Variants in PACS1 observed in about 807,000 individuals in gnomAD.
The protein encoded by PACS1 is PACS-1.
In PACS1, 24 loss-of-function variants were observed where a neutral mutation model predicts 115.0. That is an observed-to-expected ratio of 0.21 (90% CI 0.15 to 0.29). The LOEUF is 0.29. PACS1 is among the 10% of genes least tolerant of loss of function. PACS1 has a pLI of 1.00. For missense variants in PACS1, 838 were observed against 1,251.2 expected (o/e 0.67, Z 4.98); for synonymous variants, 453 against 504.5 (o/e 0.90, Z 1.37).
chr11:66,086,984 G>T (rs1857582032), intron 1 of PACS1, among the ~76,000 whole-genome samples: 1 of 152,076 alleles, frequency 6.6e-6, no homozygotes, highest in Admixed American at 6.6e-5. Context: ...CTTTTGTTTG[G>T]AATGTCATGT....
At chr11:66,151,503 G>A (rs544037657) in intron 1 of PACS1, among the ~76,000 whole-genome samples, 4 of 152,198 alleles carry the variant, frequency 2.6e-5, no homozygotes, top group Non-Finnish European at 5.9e-5. Context: ...ACCCCAGGGA[G>A]CTAGGCTAGA....
chr11:66,187,862 T>C (rs1489475966), intron 1 of PACS1, among the ~76,000 whole-genome samples: 1 of 152,236 alleles, frequency 6.6e-6, no homozygotes, highest in African/African-American at 2.4e-5. Flanking sequence ...GTTTTATTTG[T>C]AGTTTTTTGA....
intron 7 of PACS1, chr11:66,219,447 A>T: frequency 2.0e-6 from 1 of 511,806 alleles, no homozygotes; most frequent in Non-Finnish European, 3.7e-6. Flanking sequence ...GTGAATCCGA[A>T]GGGCAAGAGA....
At chr11:66,134,319 T>C (rs1442506381) in intron 1 of PACS1, among the ~76,000 whole-genome samples, 1 of 127,384 alleles carries the variant, frequency 7.9e-6, no homozygotes, top group African/African-American at 2.9e-5. Context: ...TGGAGTGCAG[T>C]GGAGCAATCT....
intron 1 of PACS1, among the ~76,000 whole-genome samples, chr11:66,074,454 AG>A (rs1262182570): frequency 1.3e-5 from 2 of 152,104 alleles, no homozygotes; most frequent in African/African-American, 4.8e-5. Context: ...TTGTATGGTG[AG>A]GTTTCCCTGA....
In PACS1 at chr11:66,070,801, C is replaced by T. The variant is rs1429109698; in HGVS notation, c.315C>T (p.Ala105=). The change falls in exon 1 of 24, where the codon GCC becomes GCT. Residue 105 remains alanine (A), a synonymous_variant. Coordinates refer to ENST00000320580, the MANE Select transcript of PACS1 (RefSeq NM_018026.4). The surrounding 1 kb of genome is among the most constrained non-coding windows in gnomAD (Gnocchi z 5.9). ...CCCCGGTGCAGATGAACCTGTACGCCACCTGGGAGGTGGACCGGAGCTCGT... is the reference window on the plus strand; with the variant it reads ...CCCCGGTGCAGATGAACCTGTACGCTACCTGGGAGGTGGACCGGAGCTCGT... The part of the protein sequence containing the change: ...TPAPVQMNLY[A]TWEVDRSSSS... 6.6e-7 allele frequency: 1 copy of T among 1,507,366 alleles called. No homozygotes were observed. Among genetic ancestry groups the T allele is most frequent in the Non-Finnish European group, 8.8e-7 (1 of 1,134,496 alleles). 93.4% of individuals were successfully genotyped at this position (1,507,366 alleles called of 1,614,324 possible).
chr11:66,136,975 G>T (rs989497273), intron 1 of PACS1, among the ~76,000 whole-genome samples: 2 of 151,286 alleles, frequency 1.3e-5, no homozygotes, highest in Non-Finnish European at 2.9e-5. Flanking sequence ...CTTGATTTTT[G>T]GGGATTTTTG....
intron 1 of PACS1, among the ~76,000 whole-genome samples, chr11:66,095,494 G>C (rs896900502): frequency 1.3e-5 from 2 of 152,228 alleles, no homozygotes; most frequent in Non-Finnish European, 2.9e-5. Flanking sequence ...GACTTACTCT[G>C]TTGCCCAGTC....
chr11:66,224,069 C>T (rs557672313), intron 10 of PACS1, among the ~76,000 whole-genome samples: 1 of 152,174 alleles, frequency 6.6e-6, no homozygotes, highest in South Asian at 2.1e-4. Flanking sequence ...TGGTGATGCA[C>T]ACCTGTAATC....
intron 5 of PACS1, 55 bp from the exon 6 acceptor site, chr11:66,216,465 T>C: frequency 6.5e-7 from 1 of 1,541,148 alleles, no homozygotes; most frequent in South Asian, 1.1e-5. Context: ...CCATCGAAGT[T>C]TCTTAGGCCA....
Position 66,230,939 on chromosome 11 carries a change from A to G in PACS1, c.1625A>G (p.Gln542Arg), listed in dbSNP as rs1331414861. The change falls in exon 13 of 24, where the codon CAG becomes CGG. Residue 542 changes from glutamine (Q) to arginine (R), a missense_variant and splice_region_variant. Coordinates refer to ENST00000320580, the MANE Select transcript of PACS1 (RefSeq NM_018026.4). ...ERSPDLGHSTQIPRKVVYDQL... is the reference protein window; with the variant it reads ...ERSPDLGHSTRIPRKVVYDQL... ...TCCCCAGATCTGGGCCACAGCACGC[A>G]GGTACTTCTGGGTGCCCCCAAAACA... 1 of 1,613,986 alleles carries G rather than the reference A, an allele frequency of 6.2e-7. No individual in the cohort carries two copies. The highest frequency in any genetic ancestry group is 1.7e-5 in the Admixed American group (1 of 60,032).
At chr11:66,073,902 G>C (rs1384196733) in intron 1 of PACS1, among the ~76,000 whole-genome samples, 1 of 141,722 alleles carries the variant, frequency 7.1e-6, no homozygotes, top group East Asian at 2.1e-4. Flanking sequence ...ATAGGCATGT[G>C]ACATCACACC....
intron 1 of PACS1, among the ~76,000 whole-genome samples, chr11:66,099,080 G>A (rs148654441): frequency 1.3e-5 from 2 of 151,306 alleles, no homozygotes; most frequent in Non-Finnish European, 2.9e-5. Context: ...GTCTCACTCT[G>A]TAGCCCAAGC....
At chr11:66,151,234 G>T (rs1436858559) in intron 1 of PACS1, among the ~76,000 whole-genome samples, 1 of 151,628 alleles carries the variant, frequency 6.6e-6, no homozygotes, top group Non-Finnish European at 1.5e-5. Context: ...ACCCTTAAAA[G>T]ACAGACCTAT....
chr11:66,167,608 A>C (rs1040931755), intron 1 of PACS1, among the ~76,000 whole-genome samples: 1 of 149,594 alleles, frequency 6.7e-6, no homozygotes, highest in Admixed American at 6.6e-5. Flanking sequence ...TTAGAAATCT[A>C]CTCTTACCTC....
rs374118261 is a variant in PACS1 at position 66,166,866 on chromosome 11, C to T, written c.357-26620C>T. Reference sequence around the variant, plus strand: ...GCAACCCTATGAGTTGGTATTATTACGATGCTCATTTTTCAGATGAGGGAG... The same window carrying T: ...GCAACCCTATGAGTTGGTATTATTATGATGCTCATTTTTCAGATGAGGGAG... On this transcript the variant is annotated intron_variant, in intron 1 of 23. Transcript: ENST00000320580. Among the ~76,000 whole-genome samples, 34 of 150,294 alleles carry T rather than the reference C, an allele frequency of 2.3e-4. 2 individuals carry two copies. The South Asian group carries it at 5.2e-3, about 23-fold the overall frequency.
chr11:66,147,140 C>T (rs576815537), intron 1 of PACS1, among the ~76,000 whole-genome samples: 1 of 152,172 alleles, frequency 6.6e-6, no homozygotes, highest in South Asian at 2.1e-4. Context: ...TTTATTGTAA[C>T]AGTATGAATG....
chr11:66,086,134 CTTTTTTTTTTTT>C (rs1196106929), intron 1 of PACS1, among the ~76,000 whole-genome samples: 1 of 122,816 alleles, frequency 8.1e-6, no homozygotes, highest in South Asian at 2.6e-4. Flanking sequence ...CTTATGATTT[CTTTTTTTTTTTT>C]TTTTTTTTTG....
chr11:66,078,299 A>C (rs1857428614), intron 1 of PACS1, among the ~76,000 whole-genome samples: 1 of 152,212 alleles, frequency 6.6e-6, no homozygotes, highest in Non-Finnish European at 1.5e-5. Context: ...GTGACCTCGT[A>C]TAAATATAGG....
Sources: gnomAD v4.1 joint callset for allele counts (sites outside exome capture counted in the v4.1 genomes callset) on GRCh38, gnomAD v4.1.1 for gene constraint, Gnocchi (gnomAD v3.1) non-coding constraint, MANE v1.5 for transcripts, NCBI Gene and HGNC (gene_info 2026-07-23, HGNC 2026-07-21) for gene names.